Variants in MACF1 observed in about 807,000 individuals in gnomAD.
The protein encoded by MACF1 is microtubule-actin cross-linking factor 1.
Under a neutral mutation model 854.8 loss-of-function variants are expected in MACF1, and 193 were observed. The ratio of observed to expected loss-of-function variants is 0.23; its 90% CI spans 0.20 to 0.25. The LOEUF (loss-of-function observed/expected upper bound fraction) is 0.25. Among genes scored for constraint, MACF1 ranks in the 10% least tolerant of loss-of-function variants. The probability of loss-of-function intolerance (pLI) is 1.00; values close to 1 mark genes in which losing one functional copy is unlikely to be tolerated. For missense variants in MACF1, 7,722 were observed against 8,929.1 expected (o/e 0.86, Z 5.45); for synonymous variants, 3,185 against 3,226.7 (o/e 0.99, Z 0.44).
chr1:39,238,530 A>T (rs1644885251), intron 2 of MACF1, among the ~76,000 whole-genome samples: 1 of 152,076 alleles, frequency 6.6e-6, no homozygotes, highest in African/African-American at 2.4e-5. Context: ...CCGTTGGAGG[A>T]ACTGAATCAA....
chr1:39,433,178 C>G (rs1452096102), intron 68 of MACF1, 23 bp downstream of exon 68: 1 of 1,381,078 alleles, frequency 7.2e-7, no homozygotes, highest in Admixed American at 1.8e-5. Flanking sequence ...TATTTATTTG[C>G]CATATTGTTC....
intron 95 of MACF1, among the ~76,000 whole-genome samples, chr1:39,467,031 A>G (rs539049490): frequency 6.6e-6 from 1 of 152,040 alleles, no homozygotes; most frequent in Non-Finnish European, 1.5e-5. Context: ...TGCATTTTCA[A>G]TTTTTCTGCC....
intron 58 of MACF1, among the ~76,000 whole-genome samples, chr1:39,396,925 T>C (rs924529188): frequency 2.6e-5 from 4 of 152,214 alleles, no homozygotes; most frequent in Non-Finnish European, 5.9e-5. Context: ...CTAAGTGCTT[T>C]TCAACTACGA....
intron 37 of MACF1, 40 bp from the exon 38 acceptor site, chr1:39,337,142 G>A: frequency 1.3e-6 from 2 of 1,571,368 alleles, no homozygotes; most frequent in Non-Finnish European, 1.7e-6. Context: ...ACTTACAGGA[G>A]AACGTCAGAA....
Position 39,353,155 on chromosome 1 carries a change from C to A in MACF1, c.11348C>A (p.Ala3783Asp). 6.2e-7 allele frequency: 1 copy of A among 1,614,042 alleles called. No individual in the cohort carries two copies. Among genetic ancestry groups the A allele is most frequent in the Non-Finnish European group, 8.5e-7 (1 of 1,179,944 alleles). The change falls in exon 44 of 101, where the codon GCC becomes GAC. Residue 3783 changes from alanine (A) to aspartate (D), a missense_variant. By Grantham distance (126) the Ala-to-Asp change is moderately radical. Around this residue, in one of 15 missense-constraint regions of MACF1, gnomAD observed 2,807 missense variants for 3,235.8 expected, o/e 0.87. Coordinates refer to ENST00000564288, the MANE Select transcript of MACF1 (RefSeq NM_001394062.1). ...QLSGASLEKGALDTTDGYMGV... is the reference protein window; with the variant it reads ...QLSGASLEKGDLDTTDGYMGV... ...TCGGGAGCTAGCTTGGAGAAAGGAG[C>A]CTTGGACACCACTGATGGTTACATG...
In MACF1 at chr1:39,349,465, G is replaced by T. The variant is rs374379907; in HGVS notation, c.10816-13G>T. ...TTACGAAATGTCTCTTGACCCCTTT[G>T]CATTTTAATTAGACCCTGCAGAAAC... On this transcript the variant is annotated splice_polypyrimidine_tract_variant and intron_variant, in intron 41 of 100. Coordinates refer to ENST00000564288, the MANE Select transcript of MACF1 (RefSeq NM_001394062.1). The T allele has an allele frequency of 9.4e-6, 15 of 1,602,784 alleles. No individual in the cohort carries two copies. In the African/African-American group the frequency reaches 1.6e-4, roughly 17 times the overall value.
Position 39,340,496 on chromosome 1 carries a change from C to A in MACF1, c.10216-6C>A. The A allele has an allele frequency of 5.0e-6, 8 of 1,605,094 alleles. No homozygotes were observed. Among genetic ancestry groups the A allele is most frequent in the Non-Finnish European group, 6.8e-6 (8 of 1,174,200 alleles). On this transcript the variant is annotated splice_region_variant and splice_polypyrimidine_tract_variant and intron_variant, in intron 38 of 100. Transcript: ENST00000564288. ...TTTTATAGGTAACTCCACTTTATTC[C>A]CTCAGGTATTAGAAAGGGAGTTAAA...
At chr1:39,346,276 A>G (rs1438627751) in intron 40 of MACF1, among the ~76,000 whole-genome samples, 3 of 151,074 alleles carry the variant, frequency 2.0e-5, no homozygotes, top group East Asian at 4.0e-4. Context: ...GGAGGAGAAT[A>G]GCATGAACCT....
intron 57 of MACF1, among the ~76,000 whole-genome samples, chr1:39,386,274 CCA>C (rs10650940): frequency 6.7e-6 from 1 of 148,348 alleles, no homozygotes; most frequent in African/African-American, 2.5e-5. Context: ...ATTATGCATA[CCA>C]CACACACACG....
intron 2 of MACF1, among the ~76,000 whole-genome samples, chr1:39,181,146 G>A (rs189089969): frequency 1.1e-4 from 17 of 152,330 alleles, no homozygotes; most frequent in Non-Finnish European, 2.4e-4. Context: ...GGCCTCAAGC[G>A]GTACACCCGC....
intron 1 of MACF1, among the ~76,000 whole-genome samples, chr1:39,224,357 C>T (rs1571193205): frequency 6.6e-6 from 1 of 151,934 alleles, no homozygotes; most frequent in East Asian, 1.9e-4. Flanking sequence ...AAGGGATGAA[C>T]AGAAGAGAAG....
chr1:39,222,757 C>T (rs1644668456), intron 1 of MACF1, among the ~76,000 whole-genome samples: 1 of 152,206 alleles, frequency 6.6e-6, no homozygotes, highest in South Asian at 2.1e-4. Context: ...TACTTCCCTT[C>T]TGTGTCAGCT....
chr1:39,264,921 G>T (rs536089167), intron 6 of MACF1, among the ~76,000 whole-genome samples: 4 of 151,954 alleles, frequency 2.6e-5, no homozygotes, highest in Admixed American at 2.0e-4. Flanking sequence ...TGATCCACCC[G>T]CCTCGGCCTC....
intron 1 of MACF1, among the ~76,000 whole-genome samples, chr1:39,219,836 T>A (rs1307849020): frequency 6.6e-6 from 1 of 152,154 alleles, no homozygotes; most frequent in African/African-American, 2.4e-5. Context: ...CTGCAACCTC[T>A]GCCGCCCGGG....
intron 58 of MACF1, among the ~76,000 whole-genome samples, chr1:39,403,399 C>G (rs1212415875): frequency 2.6e-5 from 4 of 152,092 alleles, no homozygotes; most frequent in African/African-American, 9.7e-5. Flanking sequence ...ACGCCTGGCC[C>G]AAATCTATAT....
chr1:39,404,419 C>T (rs536982950), intron 58 of MACF1, among the ~76,000 whole-genome samples: 2 of 151,524 alleles, frequency 1.3e-5, no homozygotes, highest in African/African-American at 4.8e-5. Flanking sequence ...TGCAGTGAAC[C>T]GAGATCGTGT....
intron 1 of MACF1, among the ~76,000 whole-genome samples, chr1:39,230,422 G>A (rs1190655746): frequency 6.6e-6 from 1 of 152,150 alleles, no homozygotes; most frequent in African/African-American, 2.4e-5. Context: ...ATGGGATGGT[G>A]TGGGCTTTCA....
At chr1:39,349,898 G>A (rs1280969998) in intron 42 of MACF1, among the ~76,000 whole-genome samples, 1 of 152,178 alleles carries the variant, frequency 6.6e-6, no homozygotes, top group African/African-American at 2.4e-5. Context: ...GCCTCTCAAA[G>A]TGTTAGGATA....
intron 2 of MACF1, among the ~76,000 whole-genome samples, chr1:39,117,327 G>A (rs568584752): frequency 6.6e-5 from 10 of 152,094 alleles, no homozygotes; most frequent in African/African-American, 2.2e-4. Context: ...GGCACATTCC[G>A]CATCTTTGTT....
Sources: gnomAD v4.1 joint callset for allele counts (sites outside exome capture counted in the v4.1 genomes callset) on GRCh38, gnomAD v4.1.1 for gene constraint, gnomAD v4.1.1 regional missense constraint, MANE v1.5 for transcripts, NCBI Gene and HGNC (gene_info 2026-07-23, HGNC 2026-07-21) for gene names.